Variants in ATP6V0A2 observed in about 807,000 individuals in gnomAD.
ATP6V0A2 encodes V-type proton ATPase 116 kDa subunit a 2.
In ATP6V0A2, 58 loss-of-function variants were observed where a neutral mutation model predicts 104.4. That is an observed-to-expected ratio of 0.56 (90% confidence interval 0.45 to 0.69). The LOEUF is 0.69. Among genes scored for constraint, ATP6V0A2 ranks in the 30% least tolerant of loss-of-function variants. ATP6V0A2 has a pLI of 0.00. For missense variants in ATP6V0A2, 938 were observed against 1,062.9 expected, an observed-to-expected ratio of 0.88 and a Z score of 1.63; for synonymous variants, 376 against 397.9, an observed-to-expected ratio of 0.95 and a Z score of 0.65.
intron 15 of ATP6V0A2, 67 bp from the exon 16 acceptor site, chr12:123,751,043 G>A (rs551551783): frequency 1.6e-5 from 25 of 1,602,322 alleles, no homozygotes; most frequent in African/African-American, 8.0e-5. Flanking sequence ...TGATTTCATC[G>A]TGTGCTGCTG....
chr12:123,724,975 G>A (rs1267104407), intron 4 of ATP6V0A2, among the ~76,000 whole-genome samples, 184 bp downstream of exon 4: 1 of 151,878 alleles, frequency 6.6e-6, no homozygotes, highest in Admixed American at 6.6e-5. Context: ...TGCTCTTGTT[G>A]CCCAGGCTAG....
chr12:123,751,060 C>A (rs776651824), intron 15 of ATP6V0A2, 50 bp from the exon 16 acceptor site: 1 of 1,612,874 alleles, frequency 6.2e-7, no homozygotes, highest in South Asian at 1.1e-5. Flanking sequence ...GCTGACCCTG[C>A]AGGCAGGCCT....
At chr12:123,728,019 C>T in intron 6 of ATP6V0A2, 110 bp downstream of exon 6, 1 of 1,423,374 alleles carries the variant, frequency 7.0e-7, no homozygotes, top group South Asian at 1.2e-5. Flanking sequence ...AGTTGTTAAC[C>T]TGATGCCTTA....
chr12:123,743,983 C>G, intron 10 of ATP6V0A2, 48 bp downstream of exon 10: 1 of 1,608,696 alleles, frequency 6.2e-7, no homozygotes, highest in Non-Finnish European at 8.5e-7. Flanking sequence ...GGCATTGTTG[C>G]ATTCTTGCTC....
chr12:123,719,716 TC>T (rs1177634191), intron 2 of ATP6V0A2, among the ~76,000 whole-genome samples: 1 of 151,922 alleles, frequency 6.6e-6, no homozygotes, highest in African/African-American at 2.4e-5. Context: ...CTTTAACATT[TC>T]TAAGCCCTTA....
chr12:123,740,907 G>C (rs1310538396), intron 9 of ATP6V0A2, among the ~76,000 whole-genome samples: 1 of 150,500 alleles, frequency 6.6e-6, no homozygotes, highest in Non-Finnish European at 1.5e-5. Flanking sequence ...CCTCATTTCT[G>C]AGTCTTTTAA....
intron 18 of ATP6V0A2, 128 bp downstream of exon 18, chr12:123,754,665 A>C: frequency 1.4e-6 from 1 of 717,460 alleles, no homozygotes. Context: ...ACGTGAACTT[A>C]CACTATTCAC....
rs1362783880 is a variant in ATP6V0A2 at position 123,760,259 on chromosome 12, G to A, written c.*2227G>A. 1 of 152,204 alleles carries A rather than the reference G, an allele frequency of 6.6e-6. No individual in the cohort carries two copies. Among genetic ancestry groups the A allele is most frequent in the East Asian group, 1.9e-4 (1 of 5,202 alleles). 9.4% of individuals were successfully genotyped at this position (152,204 alleles called of 1,614,324 possible). ...TTCTCAGCATAGAGCAGAGGATGCA[G>A]TCATTTCTCTGTTGAAATCTATGTA... On this transcript the variant is annotated 3_prime_UTR_variant, in exon 20 of 20. Coordinates refer to ENST00000330342, the MANE Select transcript of ATP6V0A2 (RefSeq NM_012463.4).
chr12:123,750,993 A>AT, intron 15 of ATP6V0A2, 117 bp from the exon 16 acceptor site: 1 of 1,417,862 alleles, frequency 7.1e-7, no homozygotes, highest in Admixed American at 1.7e-5. Context: ...GCTGGCATTT[A>AT]TTGAATGTTC....
At chr12:123,753,513 C>T (rs1009956008) in intron 17 of ATP6V0A2, among the ~76,000 whole-genome samples, 9 of 152,252 alleles carry the variant, frequency 5.9e-5, no homozygotes, top group Admixed American at 3.9e-4. Flanking sequence ...TTCTCCTGCT[C>T]TTCCCAGAAG....
chr12:123,759,068 G>C lies in ATP6V0A2; in HGVS notation c.*1036G>C, dbSNP rs1162521923. ...CTTAAAACCCAGTGTGACTGTAGAA[G>C]ATATAATGCGGACATGATTTGAATT... On this transcript the variant is annotated 3_prime_UTR_variant, in exon 20 of 20. Coordinates refer to ENST00000330342, the MANE Select transcript of ATP6V0A2 (RefSeq NM_012463.4). The C allele has an allele frequency of 6.6e-6, 1 of 152,630 alleles. No individual in the cohort carries two copies. The highest frequency in any genetic ancestry group is 1.5e-5 in the Non-Finnish European group (1 of 68,042). 9.5% of individuals were successfully genotyped at this position (152,630 alleles called of 1,614,324 possible).
chr12:123,757,956 G>C lies in ATP6V0A2; in HGVS notation c.2495G>C (p.Gly832Ala). Residue 832 changes from glycine to alanine, a missense_variant, in exon 20 of 20, where the codon GGT becomes GCT. Physicochemically the swap from Gly to Ala is moderately conservative, Grantham distance 60. Coordinates refer to ENST00000330342, the MANE Select transcript of ATP6V0A2 (RefSeq NM_012463.4). The part of the protein sequence containing the change: ...WVEFQNKFYV[G>A]AGTKFVPFSF... ...GAATTTCAGAACAAATTCTACGTTG[G>C]TGCAGGCACCAAATTTGTTCCTTTC... 1 of 1,607,968 alleles carries C rather than the reference G, an allele frequency of 6.2e-7. No individual in the cohort carries two copies. Among genetic ancestry groups the C allele is most frequent in the Non-Finnish European group, 8.5e-7 (1 of 1,178,238 alleles).
chr12:123,719,538 C>T (rs1046064747), intron 2 of ATP6V0A2, among the ~76,000 whole-genome samples: 5 of 152,006 alleles, frequency 3.3e-5, no homozygotes, highest in African/African-American at 1.2e-4. Context: ...AGGTGCGTGC[C>T]ACCACACCTG....
intron 2 of ATP6V0A2, among the ~76,000 whole-genome samples, chr12:123,719,392 T>G (rs534294947): frequency 5.1e-4 from 78 of 151,538 alleles, no homozygotes; most frequent in African/African-American, 1.8e-3. Flanking sequence ...AAAGCTTGTT[T>G]TTTTTTTTTT....
At chr12:123,749,531 T>G (rs996865726) in intron 15 of ATP6V0A2, among the ~76,000 whole-genome samples, 2 of 152,146 alleles carry the variant, frequency 1.3e-5, no homozygotes, top group Non-Finnish European at 2.9e-5. Context: ...ATGACTAACT[T>G]CTCTCTGCCT....
At chr12:123,748,954 G>C (rs918137648) in intron 15 of ATP6V0A2, among the ~76,000 whole-genome samples, 169 bp downstream of exon 15, 2 of 152,194 alleles carry the variant, frequency 1.3e-5, no homozygotes, top group African/African-American at 4.8e-5. Flanking sequence ...GCTGTGTGCA[G>C]GCAGCATGAC....
intron 13 of ATP6V0A2, among the ~76,000 whole-genome samples, 179 bp downstream of exon 13, chr12:123,745,151 C>T (rs1956649149): frequency 6.6e-6 from 1 of 152,150 alleles, no homozygotes; most frequent in Non-Finnish European, 1.5e-5. Context: ...AGCTGGGGGG[C>T]CCTCCGTTTG....
chr12:123,729,545 C>T (rs1956481119), intron 6 of ATP6V0A2, among the ~76,000 whole-genome samples: 1 of 151,968 alleles, frequency 6.6e-6, no homozygotes, highest in African/African-American at 2.4e-5. Flanking sequence ...CCGAATGGTT[C>T]AGAAGGGAGG....
At chr12:123,746,201 T>G (rs192327970) in intron 13 of ATP6V0A2, among the ~76,000 whole-genome samples, 53 of 152,146 alleles carry the variant, frequency 3.5e-4, no homozygotes, top group Admixed American at 2.7e-3. Context: ...GTTTTTTTTT[T>G]GGGAGGCATA....
Sources: gnomAD v4.1 joint callset for allele counts (sites outside exome capture counted in the v4.1 genomes callset) on GRCh38, gnomAD v4.1.1 for gene constraint, MANE v1.5 for transcripts, NCBI Gene and HGNC (gene_info 2026-07-23, HGNC 2026-07-21) for gene names.